Variants in CTNNA3 observed in about 807,000 individuals in gnomAD.
CTNNA3 encodes catenin alpha-3.
In CTNNA3, 76 loss-of-function variants were observed where a neutral mutation model predicts 95.7. That is an observed-to-expected ratio of 0.79 (90% CI 0.66 to 0.96). The LOEUF is 0.96. CTNNA3 is among the 40% of genes least tolerant of loss of function. CTNNA3 has a pLI of 0.00. For missense variants in CTNNA3, 1,191 were observed against 1,089.8 expected (o/e 1.09, Z -1.31); for synonymous variants, 431 against 374.4 (o/e 1.15, Z -1.74).
intron 7 of CTNNA3, among the ~76,000 whole-genome samples, chr10:67,002,382 A>C (rs959118991): frequency 1.3e-5 from 2 of 152,184 alleles, no homozygotes; most frequent in African/African-American, 4.8e-5. Context: ...ACATATTGAA[A>C]GGCTTTCTGT....
At chr10:66,733,626 C>T (rs1849036337) in intron 9 of CTNNA3, among the ~76,000 whole-genome samples, 1 of 151,574 alleles carries the variant, frequency 6.6e-6, no homozygotes, top group East Asian at 1.9e-4. Context: ...AAAAAAAATG[C>T]TTACTTAACC....
intron 7 of CTNNA3, among the ~76,000 whole-genome samples, chr10:67,078,937 C>T (rs1277091938): frequency 6.6e-6 from 1 of 152,192 alleles, no homozygotes; most frequent in African/African-American, 2.4e-5. Context: ...CAGTAGACCA[C>T]TTCATTTGAT....
chr10:67,353,484 CAT>C (rs376463473), intron 5 of CTNNA3, among the ~76,000 whole-genome samples: 2,715 of 49,346 alleles, frequency 0.055, 87 homozygotes, highest in African/African-American at 0.087. Context: ...ATGCACGTTA[CAT>C]AGTCTTAAAG....
intron 13 of CTNNA3, among the ~76,000 whole-genome samples, chr10:66,206,050 T>A (rs2131933961): frequency 6.6e-6 from 1 of 152,018 alleles, no homozygotes; most frequent in South Asian, 2.1e-4. Flanking sequence ...GTGGATATAC[T>A]CAATTATAAG....
chr10:66,697,424 A>C (rs2132558824), intron 9 of CTNNA3, among the ~76,000 whole-genome samples: 1 of 151,674 alleles, frequency 6.6e-6, no homozygotes, highest in African/African-American at 2.4e-5. Flanking sequence ...TTGGGAAAAA[A>C]ATTTATATAC....
At chr10:66,687,070 T>C (rs141954872) in intron 9 of CTNNA3, among the ~76,000 whole-genome samples, 3 of 152,208 alleles carry the variant, frequency 2.0e-5, no homozygotes, top group Non-Finnish European at 2.9e-5. Context: ...CCAATAAATA[T>C]GTATTGTTTG....
chr10:66,446,637 A>T (rs1211390254), intron 11 of CTNNA3, among the ~76,000 whole-genome samples: 2 of 152,190 alleles, frequency 1.3e-5, no homozygotes, highest in Non-Finnish European at 2.9e-5. Context: ...CTTCATGCTA[A>T]AAACTCTCAA....
At chr10:66,762,527 AC>A (rs1252389911) in intron 9 of CTNNA3, among the ~76,000 whole-genome samples, 4 of 151,870 alleles carry the variant, frequency 2.6e-5, no homozygotes, top group Admixed American at 2.6e-4. Context: ...TTTATAGTAA[AC>A]TACAATAATA....
intron 15 of CTNNA3, among the ~76,000 whole-genome samples, chr10:66,048,175 C>G (rs1589291891): frequency 6.6e-6 from 1 of 152,066 alleles, no homozygotes; most frequent in African/African-American, 2.4e-5. Context: ...CAAGGCAATC[C>G]TAAGCAAAAA....
chr10:67,470,771 T>A (rs902155820), intron 5 of CTNNA3, among the ~76,000 whole-genome samples: 5 of 151,994 alleles, frequency 3.3e-5, no homozygotes, highest in Admixed American at 2.6e-4. Flanking sequence ...AACTTTGGGT[T>A]AAGATTTTTT....
At chr10:67,706,186 G>C (rs1841077779) in intron 1 of CTNNA3, among the ~76,000 whole-genome samples, 1 of 152,070 alleles carries the variant, frequency 6.6e-6, no homozygotes, top group Non-Finnish European at 1.5e-5. Flanking sequence ...TTAGGAAAGA[G>C]TTTTGTAGCA....
intron 13 of CTNNA3, among the ~76,000 whole-genome samples, chr10:66,107,738 TG>T (rs1451400108): frequency 7.9e-5 from 12 of 152,146 alleles, no homozygotes; most frequent in Non-Finnish European, 1.5e-4. Context: ...AAAATTCACT[TG>T]CGCAGACTTT....
intron 7 of CTNNA3, among the ~76,000 whole-genome samples, chr10:66,847,235 T>C (rs1383040614): frequency 6.6e-6 from 1 of 152,204 alleles, no homozygotes; most frequent in Non-Finnish European, 1.5e-5. Flanking sequence ...ATTTTCTATA[T>C]TTGAAACACA....
intron 13 of CTNNA3, among the ~76,000 whole-genome samples, chr10:66,275,000 T>C (rs2091361112): frequency 6.6e-6 from 1 of 152,210 alleles, no homozygotes; most frequent in African/African-American, 2.4e-5. Flanking sequence ...TGCTGTGATA[T>C]AGTCTACTTT....
intron 1 of CTNNA3, among the ~76,000 whole-genome samples, chr10:67,743,473 A>G (rs1011604907): frequency 6.6e-6 from 1 of 151,508 alleles, no homozygotes; most frequent in African/African-American, 2.4e-5. Flanking sequence ...AAAAACTCTC[A>G]ATAAATTAGG....
At chr10:67,586,301 G>T (rs923162144) in intron 3 of CTNNA3, among the ~76,000 whole-genome samples, 2 of 152,102 alleles carry the variant, frequency 1.3e-5, no homozygotes, top group African/African-American at 4.8e-5. Flanking sequence ...TTCTCCAGTT[G>T]TTGGGTAGAG....
intron 7 of CTNNA3, among the ~76,000 whole-genome samples, chr10:67,057,860 T>C (rs1855532548): frequency 6.6e-6 from 1 of 152,154 alleles, no homozygotes; most frequent in Non-Finnish European, 1.5e-5. Context: ...AGCCAAAATA[T>C]GAGAGTTCAT....
Position 66,865,490 on chromosome 10 carries a change from T to C in CTNNA3, c.1048-89966A>G, listed in dbSNP as rs76948640. On this transcript the variant is annotated intron_variant, in intron 7 of 17. Coordinates refer to ENST00000433211, the MANE Select transcript of CTNNA3 (RefSeq NM_013266.4). The stretch of plus-strand genomic sequence containing the variant: ...CATTAATGTGTTTTTTCTTGCTGAA[T>C]ATTCTCGATTCCTTGAAATAAATTT... Among the ~76,000 whole-genome samples, 34 of 152,240 alleles carry C rather than the reference T, an allele frequency of 2.2e-4. No individual in the cohort carries two copies. The East Asian group carries it at 6.0e-3, about 27-fold the overall frequency.
At chr10:66,292,603 T>C (rs759932506) in intron 12 of CTNNA3, among the ~76,000 whole-genome samples, 2 of 152,146 alleles carry the variant, frequency 1.3e-5, no homozygotes, top group Non-Finnish European at 2.9e-5. Flanking sequence ...ACATTTAGTA[T>C]ATTACTGATG....
Sources: allele counts gnomAD v4.1 joint callset (sites outside exome capture counted in the v4.1 genomes callset), GRCh38; gene constraint gnomAD v4.1.1; transcripts MANE v1.5; gene names NCBI Gene and HGNC (gene_info 2026-07-23, HGNC 2026-07-21).